Variants in ADAMTS18 observed in about 807,000 individuals in gnomAD.
ADAMTS18 encodes ADAM metallopeptidase with thrombospondin type 1 motif 18, also known as A disintegrin and metalloproteinase with thrombospondin motifs 18.
Under a neutral mutation model 165.9 loss-of-function variants are expected in ADAMTS18, and 157 were observed. The observed-to-expected ratio is 0.95, with a 90% CI of 0.83 to 1.08. The LOEUF (loss-of-function observed/expected upper bound fraction) is 1.08. Among genes scored for constraint, ADAMTS18 ranks in the 50% least tolerant of loss-of-function variants. ADAMTS18 has a pLI of 0.00. For synonymous variants in ADAMTS18, 782 were observed against 578.2 expected (o/e 1.35, Z -5.06); for missense variants, 2,040 against 1,534.0 (o/e 1.33, Z -5.51).
chr16:77,386,623 G>T (rs998552599), intron 3 of ADAMTS18, among the ~76,000 whole-genome samples: 2 of 152,108 alleles, frequency 1.3e-5, no homozygotes, highest in African/African-American at 4.8e-5. Flanking sequence ...TGGTGCCTAT[G>T]AACATTTGAC....
At position 77,295,984 on chromosome 16, in the gene ADAMTS18, C is replaced by T. The variant is rs981151357; in HGVS notation, c.2802-857G>A. 5.4e-5 allele frequency among the ~76,000 whole-genome samples: 8 copies of T among 149,072 alleles called. No individual in the cohort carries two copies. In the East Asian group the frequency reaches 7.9e-4, roughly 15 times the overall value. Reference sequence around the variant, plus strand: ...TCAGCCTCAGATTATGACAAATGCACTATTATTTACAAGAAAAAAAAAAGT... The same window carrying T: ...TCAGCCTCAGATTATGACAAATGCATTATTATTTACAAGAAAAAAAAAAGT... On this transcript the variant is annotated intron_variant, in intron 18 of 22. Transcript: ENST00000282849.
intron 3 of ADAMTS18, among the ~76,000 whole-genome samples, chr16:77,403,300 G>C (rs1253912037): frequency 6.6e-6 from 1 of 152,154 alleles, no homozygotes; most frequent in Non-Finnish European, 1.5e-5. Flanking sequence ...CACTTATTGA[G>C]CATCCTTTAA....
At chr16:77,332,515 A>AT (rs796476933) in intron 12 of ADAMTS18, among the ~76,000 whole-genome samples, 8 of 152,210 alleles carry the variant, frequency 5.3e-5, no homozygotes, top group South Asian at 2.1e-4. Flanking sequence ...TATCTTCTAC[A>AT]TTTTTTTATA....
chr16:77,292,957 C>T (rs1180520873), intron 20 of ADAMTS18, 119 bp downstream of exon 20: 5 of 1,267,820 alleles, frequency 3.9e-6, no homozygotes, highest in Non-Finnish European at 4.4e-6. Context: ...GTAGATCAGA[C>T]TACAGGCGCC....
At chr16:77,309,342 T>C (rs570154330) in intron 16 of ADAMTS18, among the ~76,000 whole-genome samples, 1 of 152,264 alleles carries the variant, frequency 6.6e-6, no homozygotes, top group South Asian at 2.1e-4. Context: ...TTGATTTAAA[T>C]AATGCCTAAG....
chr16:77,426,909 G>C (rs1597262069), intron 3 of ADAMTS18, among the ~76,000 whole-genome samples: 1 of 152,120 alleles, frequency 6.6e-6, no homozygotes, highest in Non-Finnish European at 1.5e-5. Context: ...AGCTACTTGG[G>C]GGGCTGAGTT....
intron 3 of ADAMTS18, among the ~76,000 whole-genome samples, chr16:77,391,151 G>A (rs1003506569): frequency 1.3e-5 from 2 of 152,124 alleles, no homozygotes; most frequent in Non-Finnish European, 2.9e-5. Context: ...CAAATAGTTT[G>A]GAAGAGAAAT....
chr16:77,389,463 T>A (rs8044449), intron 3 of ADAMTS18, among the ~76,000 whole-genome samples: 4,531 of 152,226 alleles, frequency 0.03, 247 homozygotes, highest in African/African-American at 0.1. Context: ...TGTGTGTCTG[T>A]CAGGTTAATT....
intron 4 of ADAMTS18, 41 bp from the exon 5 acceptor site, chr16:77,364,422 A>G: frequency 6.3e-7 from 1 of 1,597,386 alleles, no homozygotes; most frequent in African/African-American, 1.3e-5. Context: ...ATATTAGAGA[A>G]TATCTGGATA....
At chr16:77,353,711 T>C (rs1567506601) in intron 10 of ADAMTS18, 22 bp downstream of exon 10, 6 of 1,614,070 alleles carry the variant, frequency 3.7e-6, no homozygotes, top group East Asian at 2.2e-5. Flanking sequence ...TAATGTAAGT[T>C]TGAAATCACA....
Position 77,325,941 on chromosome 16 carries a change from G to C in ADAMTS18, c.1957C>G (p.Gln653Glu), listed in dbSNP as rs767124969. ...CNENSLDFRA[Q>E]QCAEYNSKPF... ...TTGCTGTTATATTCTGCACACTGTTGAGCCCGAAAATCCAAGCTATTTTCA... is the reference window on the plus strand; with the variant it reads ...TTGCTGTTATATTCTGCACACTGTTCAGCCCGAAAATCCAAGCTATTTTCA... The change falls in exon 13 of 23, where the codon CAA becomes GAA. Residue 653 changes from glutamine to glutamate, a missense_variant. Coordinates refer to ENST00000282849, the MANE Select transcript of ADAMTS18 (RefSeq NM_199355.4). The C allele has an allele frequency of 1.9e-6, 3 of 1,613,896 alleles. No homozygotes were observed. In the African/African-American group the frequency reaches 4.0e-5, roughly 22 times the overall value.
Position 77,335,910 on chromosome 16 carries a change from A to AAC in ADAMTS18, c.1711-7_1711-6insGT. 1 of 1,614,206 alleles carries AAC rather than the reference A, an allele frequency of 6.2e-7. No homozygotes were observed. The highest frequency in any genetic ancestry group is 2.2e-5 in the East Asian group (1 of 44,886). On this transcript the variant is annotated splice_polypyrimidine_tract_variant and splice_region_variant and intron_variant, in intron 11 of 22. Transcript: ENST00000282849. Reference sequence around the variant, plus strand: ...CACTGGCCTTGCCGACACCACTGTGAAAAGAACGTGTAAGATGGTTCCCGT... The same window carrying AAC: ...CACTGGCCTTGCCGACACCACTGTGAACAAAGAACGTGTAAGATGGTTCCCGT...
At chr16:77,369,228 T>G (rs8047054) in intron 3 of ADAMTS18, among the ~76,000 whole-genome samples, 1,779 of 152,326 alleles carry the variant, frequency 0.012, 25 homozygotes, top group African/African-American at 0.04. Flanking sequence ...GACTTTATTT[T>G]AATCTTTTTT....
chr16:77,292,971 C>T (rs1363359003), intron 20 of ADAMTS18, 105 bp downstream of exon 20: 1 of 1,438,748 alleles, frequency 7.0e-7, no homozygotes, highest in Non-Finnish European at 9.6e-7. Context: ...AGGCGCCTGC[C>T]ACCTTGCCTG....
chr16:77,337,533 C>A (rs1032876407), intron 11 of ADAMTS18, among the ~76,000 whole-genome samples: 2 of 152,186 alleles, frequency 1.3e-5, no homozygotes, highest in African/African-American at 4.8e-5. Context: ...AATAACTATG[C>A]AAGTATAAGA....
chr16:77,364,188 C>G lies in ADAMTS18; in HGVS notation c.972G>C (p.Met324Ile). The G allele has an allele frequency of 6.2e-7, 1 of 1,614,036 alleles. No homozygotes were observed. Among genetic ancestry groups the G allele is most frequent in the South Asian group, 1.1e-5 (1 of 91,072 alleles). The change falls in exon 5 of 23, where the codon ATG becomes ATC. Residue 324 changes from methionine (M) to isoleucine (I), a missense_variant and splice_region_variant. Transcript: ENST00000282849. The part of the protein sequence containing the change: ...VTTYILTVMN[M>I]VSGLFKDGTI... The stretch of plus-strand genomic sequence containing the variant: ...GAAGGTTTGTGACACCCCCGCTTAC[C>G]ATGTTCATTACTGTGAGAATGTATG...
chr16:77,417,200 C>T (rs1408952897), intron 3 of ADAMTS18, among the ~76,000 whole-genome samples: 1 of 151,890 alleles, frequency 6.6e-6, no homozygotes, highest in East Asian at 1.9e-4. Flanking sequence ...TATAGTCTGT[C>T]ATAATGTGAA....
At chr16:77,434,088 A>C (rs1009458800) in intron 2 of ADAMTS18, among the ~76,000 whole-genome samples, 1 of 152,156 alleles carries the variant, frequency 6.6e-6, no homozygotes, top group Non-Finnish European at 1.5e-5. Context: ...TAGGAGAGGG[A>C]GGAAATAAGT....
At chr16:77,353,425 C>G (rs1468663144) in intron 10 of ADAMTS18, among the ~76,000 whole-genome samples, 1 of 152,104 alleles carries the variant, frequency 6.6e-6, no homozygotes, top group African/African-American at 2.4e-5. Flanking sequence ...ATATAGAGAA[C>G]AAAAGCAGTG....
Sources: gnomAD v4.1 joint callset for allele counts (sites outside exome capture counted in the v4.1 genomes callset) on GRCh38, gnomAD v4.1.1 for gene constraint, MANE v1.5 for transcripts, NCBI Gene and HGNC (gene_info 2026-07-23, HGNC 2026-07-21) for gene names.